The following SLC19A1 variants were observed in gnomAD, a reference collection of about 807,000 sequenced individuals.
The protein encoded by SLC19A1 is solute carrier family 19 member 1.
SLC19A1 carries 37 observed loss-of-function variants against 35.3 expected under a neutral mutation model. The ratio of observed to expected loss-of-function variants is 1.05; its 90% CI spans 0.81 to 1.38. The LOEUF is 1.38. SLC19A1 is among the 40% of genes most tolerant of loss of function. SLC19A1 has a pLI of 0.00. For missense variants in SLC19A1, 831 were observed against 826.9 expected (o/e 1.00, Z -0.06); for synonymous variants, 460 against 398.5 (o/e 1.15, Z -1.84).
rs549298282 is a variant in SLC19A1 at position 45,515,525 on chromosome 21, CA to C, written c.*132del. 494 of 1,528,228 alleles carry C rather than the reference CA, an allele frequency of 3.2e-4. 3 individuals are homozygous for C. The South Asian group carries it at 6.0e-3, about 19-fold the overall frequency. 94.7% of individuals were successfully genotyped at this position (1,528,228 alleles called of 1,614,324 possible). A position where few individuals can be genotyped will look rare whatever the true frequency, so the allele number is the denominator to read the frequency against. On this transcript the variant is annotated 3_prime_UTR_variant, in exon 6 of 6. Coordinates refer to ENST00000311124, the MANE Select transcript of SLC19A1 (RefSeq NM_194255.4). ...GCCACCGCCAGAGTGCGGCACAGGG[CA>C]GGGGGAATCCTAGGGGGCCTGCTAG...
At chr21:45,510,879 C>T (rs2037536432), downstream of SLC19A1, among the ~76,000 whole-genome samples, 1 of 152,100 alleles carries the variant, frequency 6.6e-6, no homozygotes, top group Non-Finnish European at 1.5e-5. Context: ...GCCTGGCTCC[C>T]CCACGCTTGT....
At position 45,540,972 on chromosome 21, in the gene SLC19A1, G is replaced by GT. The variant is rs1302593577; in HGVS notation, c.-50+1395_-50+1396insA. ...CGTGTTTAAACCAGCTCCTACTCTGGAAGGCTAACCAAGAATGTTCGTTAT... is the reference window on the plus strand; with the variant it reads ...CGTGTTTAAACCAGCTCCTACTCTGGTAAGGCTAACCAAGAATGTTCGTTAT... On this transcript the variant is annotated intron_variant, in intron 1 of 5. Coordinates refer to ENST00000311124, the MANE Select transcript of SLC19A1 (RefSeq NM_194255.4). This position sits in a 1 kb window ranked among gnomAD's most constrained non-coding sequence, Gnocchi z 5.5. 6.6e-6 allele frequency among the ~76,000 whole-genome samples: 1 copy of GT among 152,082 alleles called. No homozygotes were observed. Among genetic ancestry groups the GT allele is most frequent in the Non-Finnish European group, 1.5e-5 (1 of 68,034 alleles).
chr21:45,519,081 T>G (rs546401816), intron 5 of SLC19A1, among the ~76,000 whole-genome samples: 8 of 150,514 alleles, frequency 5.3e-5, no homozygotes, highest in African/African-American at 2.0e-4. Context: ...TTAAGATAAT[T>G]GTACTGTAAG....
downstream of SLC19A1, chr21:45,512,523 A>ACGTTTCATGTAATCCTCAAGAAAT: frequency 3.6e-6 from 3 of 823,276 alleles, no homozygotes; most frequent in South Asian, 4.6e-5. Context: ...TGTATAGTTC[A>ACGTTTCATGTAATCCTCAAGAAAT]CGTTTCATGT....
At chr21:45,559,851 AGATT>A (rs1375295124) in intron 1 of SLC19A1, among the ~76,000 whole-genome samples, 1 of 152,176 alleles carries the variant, frequency 6.6e-6, no homozygotes, top group Non-Finnish European at 1.5e-5. Flanking sequence ...TGTGACAAGC[AGATT>A]TATTTTTACT....
rs1206935730 is a variant in SLC19A1 at position 45,517,049 on chromosome 21, C to G, written c.1294-909G>C. Among the ~76,000 whole-genome samples the G allele has an allele frequency of 6.6e-6, 1 of 152,130 alleles. No homozygotes were observed. Among genetic ancestry groups the G allele is most frequent in the Non-Finnish European group, 1.5e-5 (1 of 68,004 alleles). ...GACAGACTGACCAGGCCCTCGGGGTCTGGGGAGCTGTGCCACACAAGGGCA... is the reference window on the plus strand; with the variant it reads ...GACAGACTGACCAGGCCCTCGGGGTGTGGGGAGCTGTGCCACACAAGGGCA... On this transcript the variant is annotated intron_variant, in intron 5 of 5. Transcript: ENST00000311124. The surrounding 1 kb of genome is among the most constrained non-coding windows in gnomAD (Gnocchi z 4.4).
intron 5 of SLC19A1, among the ~76,000 whole-genome samples, chr21:45,520,383 G>T (rs1206073258): frequency 1.3e-5 from 2 of 151,306 alleles, no homozygotes; most frequent in Non-Finnish European, 2.9e-5. Context: ...CAGAAAGGAA[G>T]AAATATTTGC....
downstream of SLC19A1, chr21:45,511,185 C>T: frequency 6.2e-7 from 1 of 1,600,110 alleles, no homozygotes; most frequent in Non-Finnish European, 8.5e-7. Flanking sequence ...GGGCACGCAT[C>T]TTCTCCTTTG....
chr21:45,535,185 A>C (rs939456267), intron 2 of SLC19A1, among the ~76,000 whole-genome samples: 3 of 152,124 alleles, frequency 2.0e-5, no homozygotes, highest in Non-Finnish European at 4.4e-5. Flanking sequence ...GTCTCCCTGG[A>C]GGAGGGCGGG....
rs954442737 is a variant in SLC19A1 at position 45,540,576 on chromosome 21, C to T, written c.-50+1792G>A. 1.3e-5 allele frequency among the ~76,000 whole-genome samples: 2 copies of T among 152,222 alleles called. No individual in the cohort carries two copies. Among genetic ancestry groups the T allele is most frequent in the African/African-American group, 4.8e-5 (2 of 41,460 alleles). On this transcript the variant is annotated intron_variant, in intron 1 of 5. Coordinates refer to ENST00000311124, the MANE Select transcript of SLC19A1 (RefSeq NM_194255.4). The surrounding 1 kb of genome is among the most constrained non-coding windows in gnomAD (Gnocchi z 5.5). ...GCATACTCAACTTATGTGCCGTGAA[C>T]GTAGCCCACTGACAGAGGCTTGGCC... is the stretch of plus-strand genomic sequence containing the variant.
At chr21:45,562,392 G>A (rs2146522617) in intron 1 of SLC19A1, among the ~76,000 whole-genome samples, 1 of 152,246 alleles carries the variant, frequency 6.6e-6, no homozygotes, top group South Asian at 2.1e-4. Context: ...TTTTCAAAAG[G>A]CCAGTTCTGA....
intron 5 of SLC19A1, 46 bp downstream of exon 5, chr21:45,525,768 CCCA>C (rs761975042): frequency 9.2e-5 from 147 of 1,600,068 alleles, no homozygotes; most frequent in Non-Finnish European, 1.2e-4. Flanking sequence ...CAACAATGTC[CCCA>C]CAAGTAGCTT....
chr21:45,547,464 C>T (rs781487613), upstream of SLC19A1, among the ~76,000 whole-genome samples: 1 of 152,212 alleles, frequency 6.6e-6, no homozygotes, highest in Non-Finnish European at 1.5e-5. Context: ...TCAACACAGA[C>T]CTTAAGTCTG....
chr21:45,504,139 G>T, intron 3 of SLC19A1: 2 of 1,478,008 alleles, frequency 1.4e-6, no homozygotes, highest in African/African-American at 1.4e-5. Context: ...CGCCCCATCC[G>T]GCCCAAGCCC....
At chr21:45,508,965 G>A (rs1384087587), downstream of SLC19A1, among the ~76,000 whole-genome samples, 2 of 152,134 alleles carry the variant, frequency 1.3e-5, no homozygotes, top group Non-Finnish European at 2.9e-5. Flanking sequence ...GGGATTTCTA[G>A]GGTGGAGGTC....
At chr21:45,550,019 C>T (rs532115579) in intron 1 of SLC19A1, among the ~76,000 whole-genome samples, 1 of 152,098 alleles carries the variant, frequency 6.6e-6, no homozygotes, top group Non-Finnish European at 1.5e-5. Flanking sequence ...ATCTTGGGAA[C>T]TGTCTCTCCC....
intron 3 of SLC19A1, among the ~76,000 whole-genome samples, chr21:45,503,471 T>TA (rs1415736768): frequency 6.6e-6 from 1 of 151,958 alleles, no homozygotes. Context: ...AAATGATGAG[T>TA]TCATGTCCTT....
chr21:45,525,115 A>C (rs1037109497), intron 5 of SLC19A1, among the ~76,000 whole-genome samples: 4 of 152,212 alleles, frequency 2.6e-5, no homozygotes, highest in African/African-American at 9.7e-5. Context: ...ACTGAAGCTG[A>C]ACAGACTCCG....
At chr21:45,531,008 G>C in intron 3 of SLC19A1, 37 bp from the exon 4 acceptor site, 1 of 1,375,454 alleles carries the variant, frequency 7.3e-7, no homozygotes, top group South Asian at 1.6e-5. Flanking sequence ...AGCGGCCCTG[G>C]GGGGCCACGG....
Sources: allele counts gnomAD v4.1 joint callset (sites outside exome capture counted in the v4.1 genomes callset), GRCh38; gene constraint gnomAD v4.1.1; non-coding constraint Gnocchi (gnomAD v3.1); transcripts MANE v1.5; gene names NCBI Gene and HGNC (gene_info 2026-07-23, HGNC 2026-07-21).